The following EVI5 variants were observed in gnomAD, a reference collection of about 807,000 sequenced individuals.
EVI5 encodes ecotropic viral integration site 5 protein homolog.
A neutral mutation model predicts 112.0 loss-of-function variants in EVI5; 73 were observed. That is an observed-to-expected ratio of 0.65 (90% CI 0.54 to 0.79). The LOEUF is 0.79. Among genes scored for constraint, EVI5 ranks in the 30% least tolerant of loss-of-function variants. The pLI is 0.00. For missense variants in EVI5, 900 were observed against 968.8 expected (o/e 0.93, Z 0.94); for synonymous variants, 305 against 319.9 (o/e 0.95, Z 0.50).
At chr1:92,535,249 C>CA (rs1663660996) in intron 19 of EVI5, among the ~76,000 whole-genome samples, 1 of 152,090 alleles carries the variant, frequency 6.6e-6, no homozygotes, top group South Asian at 2.1e-4. Flanking sequence ...ATTAAAAAGT[C>CA]AGGAAACAAC....
chr1:92,546,263 C>G (rs1337301682), intron 19 of EVI5, among the ~76,000 whole-genome samples: 1 of 152,140 alleles, frequency 6.6e-6, no homozygotes, highest in Admixed American at 6.6e-5. Flanking sequence ...GGTCACCCAG[C>G]TAATCAGTGA....
intron 2 of EVI5, among the ~76,000 whole-genome samples, chr1:92,707,049 C>A (rs1345370580): frequency 6.6e-6 from 1 of 151,838 alleles, no homozygotes; most frequent in Non-Finnish European, 1.5e-5. Context: ...CATGGTGGCA[C>A]ATGCCTGTAA....
At chr1:92,642,950 G>A (rs1470257069) in intron 13 of EVI5, among the ~76,000 whole-genome samples, 2 of 152,144 alleles carry the variant, frequency 1.3e-5, no homozygotes, top group Admixed American at 1.3e-4. Context: ...AAGAACAGCT[G>A]GATAAAACTG....
At chr1:92,637,936 T>C (rs1473494071) in intron 13 of EVI5, among the ~76,000 whole-genome samples, 1 of 152,184 alleles carries the variant, frequency 6.6e-6, no homozygotes, top group African/African-American at 2.4e-5. Flanking sequence ...GAGAAGTGCA[T>C]CTGCAACAGA....
At chr1:92,681,780 T>C (rs761646358) in intron 9 of EVI5, among the ~76,000 whole-genome samples, 2 of 152,156 alleles carry the variant, frequency 1.3e-5, no homozygotes, top group African/African-American at 2.4e-5. Context: ...ATTAGCCACA[T>C]GTGAGTGACT....
At chr1:92,685,674 A>G (rs1010118728) in intron 9 of EVI5, among the ~76,000 whole-genome samples, 2 of 152,202 alleles carry the variant, frequency 1.3e-5, no homozygotes, top group Admixed American at 6.5e-5. Context: ...AGAAGGAAAG[A>G]GGGAAGAATC....
intron 18 of EVI5, 145 bp downstream of exon 18, chr1:92,605,162 T>C (rs764784984): frequency 3.5e-5 from 22 of 628,890 alleles, no homozygotes; most frequent in Non-Finnish European, 5.8e-5. Flanking sequence ...TTTATGTCTA[T>C]TTTACCACAA....
intron 1 of EVI5, among the ~76,000 whole-genome samples, chr1:92,739,041 G>A (rs899393569): frequency 1.6e-4 from 25 of 152,024 alleles, no homozygotes; most frequent in Non-Finnish European, 3.2e-4. Context: ...GGAGGCCAAC[G>A]CAGGCAGATC....
chr1:92,549,334 T>C (rs541811763), intron 19 of EVI5, among the ~76,000 whole-genome samples: 198 of 152,286 alleles, frequency 1.3e-3, no homozygotes, highest in African/African-American at 4.6e-3. Context: ...TTACACCTTA[T>C]ACTAAAATTA....
chr1:92,634,551 T>C (rs1658302307), intron 14 of EVI5, among the ~76,000 whole-genome samples: 1 of 152,218 alleles, frequency 6.6e-6, no homozygotes, highest in Admixed American at 6.5e-5. Context: ...AGGACTTCTC[T>C]GCATTGGTTA....
intron 19 of EVI5, among the ~76,000 whole-genome samples, chr1:92,518,056 C>T (rs1378954915): frequency 6.6e-6 from 1 of 151,926 alleles, no homozygotes; most frequent in Non-Finnish European, 1.5e-5. Context: ...TGGCACCACA[C>T]CTGGAAAACT....
At chr1:92,715,508 AG>A (rs1673486808) in intron 2 of EVI5, among the ~76,000 whole-genome samples, 3 of 152,196 alleles carry the variant, frequency 2.0e-5, no homozygotes, top group Non-Finnish European at 4.4e-5. Flanking sequence ...ATGGCTGAAT[AG>A]GAACAGCTCT....
chr1:92,654,125 G>A (rs946482633), intron 13 of EVI5, among the ~76,000 whole-genome samples: 1 of 152,036 alleles, frequency 6.6e-6, no homozygotes, highest in African/African-American at 2.4e-5. Flanking sequence ...TGAGCAGAGA[G>A]CTCAAGCCAC....
At chr1:92,635,669 T>C (rs1658655881) in intron 14 of EVI5, among the ~76,000 whole-genome samples, 1 of 152,164 alleles carries the variant, frequency 6.6e-6, no homozygotes, top group Admixed American at 6.5e-5. Context: ...CTGCACCCAC[T>C]GTCCAACAAT....
At chr1:92,751,623 GT>G (rs1209227221) in intron 1 of EVI5, among the ~76,000 whole-genome samples, 1 of 150,834 alleles carries the variant, frequency 6.6e-6, no homozygotes, top group Non-Finnish European at 1.5e-5. Flanking sequence ...CCTGAAAGGG[GT>G]TGCATGAGAG....
At chr1:92,756,830 G>T in intron 1 of EVI5, 1 of 511,716 alleles carries the variant, frequency 2.0e-6, no homozygotes, top group Non-Finnish European at 4.0e-6. Flanking sequence ...GGGCACATGC[G>T]CACTGGTATT....
Position 92,548,874 on chromosome 1 carries a change from A to T in EVI5, c.2166+14768T>A, listed in dbSNP as rs568432143. ...ACACAAACAAATGGAAGAACATTCC[A>T]TGCTCATGGATAGGAAGAATCAACA... is the stretch of plus-strand genomic sequence containing the variant. On this transcript the variant is annotated intron_variant, in intron 19 of 19. Coordinates refer to ENST00000684568, the MANE Select transcript of EVI5 (RefSeq NM_001350197.2). Among the ~76,000 whole-genome samples the T allele has an allele frequency of 9.7e-4, 148 of 152,368 alleles. 2 individuals are homozygous for T. The South Asian group carries it at 0.011, about 12-fold the overall frequency.
At chr1:92,760,290 T>C (rs1681613608) in intron 1 of EVI5, among the ~76,000 whole-genome samples, 1 of 152,142 alleles carries the variant, frequency 6.6e-6, no homozygotes, top group Non-Finnish European at 1.5e-5. Flanking sequence ...GAGGTCAGGA[T>C]TGCAGGTTAG....
chr1:92,711,153 A>G (rs1045364756), intron 2 of EVI5, among the ~76,000 whole-genome samples: 1 of 152,196 alleles, frequency 6.6e-6, no homozygotes, highest in Non-Finnish European at 1.5e-5. Flanking sequence ...AAGGGAGGAA[A>G]GGGAAAAGAA....
Sources: gnomAD v4.1 joint callset for allele counts (sites outside exome capture counted in the v4.1 genomes callset) on GRCh38, gnomAD v4.1.1 for gene constraint, MANE v1.5 for transcripts, NCBI Gene and HGNC (gene_info 2026-07-23, HGNC 2026-07-21) for gene names.